ARMC6: variants seen among roughly 807,000 people sequenced by gnomAD.
The protein encoded by ARMC6 is armadillo repeat-containing protein 6.
Under a neutral mutation model 49.2 loss-of-function variants are expected in ARMC6, and 43 were observed. The ratio of observed to expected loss-of-function variants is 0.87; its 90% confidence interval spans 0.69 to 1.13. The LOEUF (loss-of-function observed/expected upper bound fraction) is 1.13, where lower values mean the gene tolerates loss of function less well. ARMC6 is among the 50% of genes most tolerant of loss of function. ARMC6 has a pLI of 0.00. For missense variants in ARMC6, 627 were observed against 682.0 expected, an observed-to-expected ratio of 0.92 and a Z score of 0.90; for synonymous variants, 262 against 289.6, an observed-to-expected ratio of 0.90 and a Z score of 0.97.
chr19:19,058,000 G>A lies in ARMC6; in HGVS notation c.*372G>A. The A allele has an allele frequency of 5.7e-6, 2 of 348,316 alleles. No individual in the cohort carries two copies. Among genetic ancestry groups the A allele is most frequent in the Non-Finnish European group, 1.1e-5 (2 of 181,470 alleles). The allele number at this position is 348,316 out of a possible 1,614,324, so 21.6% of individuals were successfully genotyped here. A position where few individuals can be genotyped will look rare whatever the true frequency, so the allele number is the denominator to read the frequency against. On this transcript the variant is annotated 3_prime_UTR_variant, in exon 9 of 9. Coordinates refer to ENST00000535612, the MANE Select transcript of ARMC6 (RefSeq NM_001199196.2). ...AGGGCAGGGCAGGCGATTCCAGTGGGGTTGGGCCCCCTGGCGCCTGCTGCT... is the reference window on the plus strand; with the variant it reads ...AGGGCAGGGCAGGCGATTCCAGTGGAGTTGGGCCCCCTGGCGCCTGCTGCT...
intron 6 of ARMC6, among the ~76,000 whole-genome samples, 153 bp downstream of exon 6, chr19:19,054,474 G>A (rs1048970847): frequency 2.3e-4 from 35 of 152,128 alleles, no homozygotes; most frequent in African/African-American, 8.5e-4. Context: ...CCAAAGGTCG[G>A]GGGGGAAACA....
intron 4 of ARMC6, among the ~76,000 whole-genome samples, chr19:19,046,008 GTGAGGTATC>G (rs1431331973): frequency 6.6e-6 from 1 of 152,042 alleles, no homozygotes; most frequent in African/African-American, 2.4e-5. Context: ...CATCTTGCTG[GTGAGGTATC>G]TGAGGCTTCC....
intron 4 of ARMC6, among the ~76,000 whole-genome samples, chr19:19,044,781 G>A (rs1183342592): frequency 6.6e-6 from 1 of 152,206 alleles, no homozygotes; most frequent in African/African-American, 2.4e-5. Flanking sequence ...GAGATCCAAA[G>A]AGAAGAGAAG....
Position 19,055,761 on chromosome 19 carries a change from T to A in ARMC6, c.1156-30T>A, listed in dbSNP as rs1287261068. 4 of 1,538,694 alleles carry A rather than the reference T, an allele frequency of 2.6e-6. No individual in the cohort carries two copies. In the African/African-American group the frequency reaches 5.4e-5, roughly 21 times the overall value. On this transcript the variant is annotated intron_variant, in intron 7 of 8. Transcript: ENST00000535612. The surrounding 1 kb of genome is among the most constrained non-coding windows in gnomAD (Gnocchi z 5.7). ...TGTTGTGGGGGGTCTATCTGCTGCA[T>A]CTCAGCCTTTCTGTGACTGGCCCCT... is the stretch of plus-strand genomic sequence containing the variant.
intron 5 of ARMC6, among the ~76,000 whole-genome samples, chr19:19,052,528 G>A (rs1265636803): frequency 6.6e-6 from 1 of 152,180 alleles, no homozygotes; most frequent in Non-Finnish European, 1.5e-5. Context: ...GGACTCGGGG[G>A]GGCTGGCTGG....
chr19:19,033,649 G>C lies in ARMC6; in HGVS notation c.-361G>C. Reference sequence around the variant, plus strand: ...AGCGCGCTGTCCGCTTCTTCTGGGCGGACGCTCTGGAGGCAAAACATTTCC... The same window carrying C: ...AGCGCGCTGTCCGCTTCTTCTGGGCCGACGCTCTGGAGGCAAAACATTTCC... On this transcript the variant is annotated 5_prime_UTR_variant, in exon 1 of 9. Coordinates refer to ENST00000535612, the MANE Select transcript of ARMC6 (RefSeq NM_001199196.2). 2 of 988,814 alleles carry C rather than the reference G, an allele frequency of 2.0e-6. No individual in the cohort carries two copies. The highest frequency in any genetic ancestry group is 2.5e-6 in the Non-Finnish European group (2 of 789,536). 61.3% of individuals were successfully genotyped at this position (988,814 alleles called of 1,614,324 possible).
intron 6 of ARMC6, among the ~76,000 whole-genome samples, chr19:19,054,783 G>A (rs889373348): frequency 6.6e-6 from 1 of 152,212 alleles, no homozygotes; most frequent in Admixed American, 6.5e-5. Context: ...CCCAAGCCCA[G>A]CTGTTGACGT....
chr19:19,034,843 G>A (rs1160107500), intron 2 of ARMC6, among the ~76,000 whole-genome samples: 1 of 151,012 alleles, frequency 6.6e-6, no homozygotes, highest in African/African-American at 2.4e-5. Context: ...GGGATTACCG[G>A]TGTGCACTAT....
Position 19,051,806 on chromosome 19 carries a change from T to C in ARMC6, c.464T>C (p.Leu155Pro). The change falls in exon 5 of 9, where the codon CTG (leucine) becomes CCG (proline). Residue 155 changes from leucine to proline, a missense_variant. Coordinates refer to ENST00000535612, the MANE Select transcript of ARMC6 (RefSeq NM_001199196.2). ...KLATAGDQGL[L>P]LQSLNALSVL... ...GCCACTGCAGGTGACCAGGGCCTTC[T>C]GCTCCAGTCCCTCAATGCCCTGTCG... 1 of 1,614,118 alleles carries C rather than the reference T, an allele frequency of 6.2e-7. No homozygotes were observed. The highest frequency in any genetic ancestry group is 2.2e-5 in the East Asian group (1 of 44,884).
chr19:19,034,892 C>T (rs2059337906), intron 2 of ARMC6, among the ~76,000 whole-genome samples: 1 of 145,604 alleles, frequency 6.9e-6, no homozygotes, highest in African/African-American at 2.6e-5. Context: ...GACGGAGTCT[C>T]GTTCTGTCAC....
chr19:19,049,206 C>G (rs2059476785), intron 4 of ARMC6, among the ~76,000 whole-genome samples: 1 of 151,978 alleles, frequency 6.6e-6, no homozygotes, highest in South Asian at 2.1e-4. Context: ...TGTGAGCCAC[C>G]AACATCTGGC....
chr19:19,042,637 G>A (rs568996265), intron 2 of ARMC6, 74 bp from the exon 3 acceptor site: 7 of 1,542,150 alleles, frequency 4.5e-6, no homozygotes, highest in South Asian at 2.3e-5. Flanking sequence ...CCTAAGTGGC[G>A]TTTTCAAGGT....
intron 2 of ARMC6, among the ~76,000 whole-genome samples, chr19:19,040,230 A>C (rs1443942886): frequency 6.6e-6 from 1 of 152,216 alleles, no homozygotes; most frequent in African/African-American, 2.4e-5. Context: ...TGTGAGATCA[A>C]GCAGTAGACT....
intron 2 of ARMC6, chr19:19,037,475 T>A: frequency 5.3e-6 from 2 of 374,648 alleles, no homozygotes; most frequent in Middle Eastern, 9.2e-4. Flanking sequence ...CTCCCTGGGC[T>A]CCCACCTCAG....
At chr19:19,036,008 G>A (rs2059363745) in intron 2 of ARMC6, among the ~76,000 whole-genome samples, 1 of 152,120 alleles carries the variant, frequency 6.6e-6, no homozygotes, top group Non-Finnish European at 1.5e-5. Context: ...GGCAGGTAGA[G>A]GAATAGTCAT....
intron 2 of ARMC6, chr19:19,040,784 A>G: frequency 2.3e-6 from 1 of 443,876 alleles, no homozygotes; most frequent in South Asian, 1.6e-5. Context: ...GATTGCTGGG[A>G]TTACAGACGT....
In ARMC6 at chr19:19,052,037, A is replaced by G. The variant is rs754275989; in HGVS notation, c.695A>G (p.His232Arg). The G allele has an allele frequency of 1.5e-5, 25 of 1,613,880 alleles. No individual in the cohort carries two copies. Among genetic ancestry groups the G allele is most frequent in the Non-Finnish European group, 2.1e-5 (25 of 1,180,046 alleles). Residue 232 changes from histidine (H) to arginine (R), a missense_variant, in exon 5 of 9, where the codon CAT becomes CGT. His to Arg is a conservative substitution (Grantham distance 29). Coordinates refer to ENST00000535612, the MANE Select transcript of ARMC6 (RefSeq NM_001199196.2). ...LPLLTGAITH[H>R]GHHTDVVREA... ...CTGCTGACTGGTGCCATCACCCATCATGGCCACCACACTGACGTGGTCAGG... is the reference window on the plus strand; with the variant it reads ...CTGCTGACTGGTGCCATCACCCATCGTGGCCACCACACTGACGTGGTCAGG...
Position 19,040,846 on chromosome 19 carries a change from T to C in ARMC6, c.30-1865T>C, listed in dbSNP as rs866950239. On this transcript the variant is annotated intron_variant, in intron 2 of 8. Transcript: ENST00000535612. The stretch of plus-strand genomic sequence containing the variant: ...GATTTTGATATGTACTGGATTTTTT[T>C]TTAATGCTCACTTGTCTCATCTGTA... The C allele has an allele frequency of 1.1e-4, 40 of 378,344 alleles. 2 individuals are homozygous for C. The highest frequency in any genetic ancestry group is 3.6e-4 in the Middle Eastern group (1 of 2,764). The allele number at this position is 378,344 out of a possible 1,614,324, so 23.4% of individuals were successfully genotyped here.
At chr19:19,048,650 A>T (rs953399847) in intron 4 of ARMC6, among the ~76,000 whole-genome samples, 4 of 152,224 alleles carry the variant, frequency 2.6e-5, no homozygotes, top group Non-Finnish European at 5.9e-5. Flanking sequence ...AGCAGGCTTC[A>T]GAGAAAATAG....
Sources: allele counts gnomAD v4.1 joint callset (sites outside exome capture counted in the v4.1 genomes callset), GRCh38; gene constraint gnomAD v4.1.1; non-coding constraint Gnocchi (gnomAD v3.1); transcripts MANE v1.5; gene names NCBI Gene and HGNC (gene_info 2026-07-23, HGNC 2026-07-21).